The following DCC variants were observed in gnomAD, a reference collection of about 807,000 sequenced individuals.
The protein encoded by DCC is netrin receptor DCC.
Under a neutral mutation model 172.5 loss-of-function variants are expected in DCC, and 58 were observed. The ratio of observed to expected loss-of-function variants is 0.34; its 90% CI spans 0.27 to 0.42. The LOEUF is 0.42. Ranked by LOEUF, DCC falls within the 10% of genes least tolerant of loss-of-function variation. The probability of loss-of-function intolerance (pLI) is 1.00; values close to 1 mark genes in which losing one functional copy is unlikely to be tolerated. For synonymous variants in DCC, 709 were observed against 644.5 expected, an observed-to-expected ratio of 1.10 and a Z score of -1.52; for missense variants, 1,740 against 1,791.0, an observed-to-expected ratio of 0.97 and a Z score of 0.51.
At chr18:52,943,738 G>GGT (rs1555685253) in intron 5 of DCC, among the ~76,000 whole-genome samples, 5 of 81,446 alleles carry the variant, frequency 6.1e-5, no homozygotes, top group African/African-American at 1.2e-4. Flanking sequence ...GCAATTTATG[G>GGT]TTTTTTTTTT....
chr18:52,932,126 T>A (rs1231167277), intron 5 of DCC, among the ~76,000 whole-genome samples: 1 of 152,106 alleles, frequency 6.6e-6, no homozygotes, highest in Non-Finnish European at 1.5e-5. Flanking sequence ...TAATTTAATT[T>A]TAGCCATGAC....
Position 53,450,509 on chromosome 18 carries a change from T to A in DCC, c.3239T>A (p.Ile1080Asn). 1.2e-6 allele frequency: 2 copies of A among 1,613,996 alleles called. No homozygotes were observed. Among genetic ancestry groups the A allele is most frequent in the Non-Finnish European group, 1.7e-6 (2 of 1,179,954 alleles). Reference sequence around the variant, plus strand: ...TCCTGTCTTTTCCCAGAGCCGCCAATTGGACAAATGCACCCCCCGCATGGC... The same window carrying A: ...TCCTGTCTTTTCCCAGAGCCGCCAAATGGACAAATGCACCCCCCGCATGGC... ...IDRSTLNEPP[I>N]GQMHPPHGSV... is the part of the protein sequence containing the mutation. Residue 1080 changes from isoleucine (I) to asparagine (N), a missense_variant, in exon 23 of 29, where the codon ATT becomes AAT. Physicochemically the swap from Ile to Asn is moderately radical, Grantham distance 149. This residue lies in a region of DCC where 1,732 missense variants were observed against 1,767.4 expected (regional missense o/e 0.98). Transcript: ENST00000442544.
chr18:53,293,707 G>A (rs1598991694), intron 12 of DCC, among the ~76,000 whole-genome samples: 1 of 152,196 alleles, frequency 6.6e-6, no homozygotes, highest in South Asian at 2.1e-4. Context: ...TCCAGAATTA[G>A]CATGCCAGTT....
At chr18:52,568,267 T>C (rs141550144) in intron 1 of DCC, among the ~76,000 whole-genome samples, 57 of 152,222 alleles carry the variant, frequency 3.7e-4, no homozygotes, top group African/African-American at 1.3e-3. Flanking sequence ...GCTACACAAA[T>C]GTCTACAGCT....
chr18:53,361,711 T>G (rs1386957779), intron 15 of DCC, among the ~76,000 whole-genome samples: 3 of 152,210 alleles, frequency 2.0e-5, no homozygotes, highest in African/African-American at 7.2e-5. Flanking sequence ...TTTTGTAATG[T>G]GGCAAGGTTT....
intron 2 of DCC, among the ~76,000 whole-genome samples, chr18:52,832,404 G>A (rs1028529513): frequency 2.0e-5 from 3 of 151,476 alleles, no homozygotes; most frequent in East Asian, 2.0e-4. Flanking sequence ...TAAAGAATTA[G>A]GATTATAAAT....
At position 52,834,349 on chromosome 18, in the gene DCC, G is replaced by A. The variant is rs546245647; in HGVS notation, c.413-71695G>A. On this transcript the variant is annotated intron_variant, in intron 2 of 28. Transcript: ENST00000442544. Reference sequence around the variant, plus strand: ...CTCAAAATGTGGTGGCTCCAGACCAGAAACCTTAGCATTGTTTGGGAACTT... The same window carrying A: ...CTCAAAATGTGGTGGCTCCAGACCAAAAACCTTAGCATTGTTTGGGAACTT... Among the ~76,000 whole-genome samples the A allele has an allele frequency of 4.6e-5, 7 of 152,306 alleles. No individual in the cohort carries two copies. In the East Asian group the frequency reaches 7.7e-4, roughly 17 times the overall value.
At chr18:53,313,515 G>A (rs1035350630) in intron 13 of DCC, among the ~76,000 whole-genome samples, 2 of 152,160 alleles carry the variant, frequency 1.3e-5, no homozygotes, top group Admixed American at 1.3e-4. Context: ...CAAAGTGCTG[G>A]GATTACAGGC....
intron 1 of DCC, among the ~76,000 whole-genome samples, chr18:52,361,972 C>T (rs1020303): frequency 0.32 from 49,414 of 152,110 alleles, 8,597 homozygotes; most frequent in East Asian, 0.52. Context: ...CATCTATTCT[C>T]TTCATTTAGG....
At chr18:52,796,224 G>A (rs2037875692) in intron 2 of DCC, among the ~76,000 whole-genome samples, 1 of 151,174 alleles carries the variant, frequency 6.6e-6, no homozygotes, top group African/African-American at 2.4e-5. Flanking sequence ...CTCTTAATTG[G>A]GGAATTCTGC....
At chr18:53,382,771 G>C (rs1326325311) in intron 15 of DCC, among the ~76,000 whole-genome samples, 2 of 152,076 alleles carry the variant, frequency 1.3e-5, no homozygotes, top group African/African-American at 2.4e-5. Flanking sequence ...GCAATTCACT[G>C]AATAGAAGCC....
intron 12 of DCC, among the ~76,000 whole-genome samples, chr18:53,290,348 A>G (rs1282412847): frequency 6.6e-6 from 1 of 152,200 alleles, no homozygotes; most frequent in African/African-American, 2.4e-5. Context: ...ATCTTACCTG[A>G]CATTTGGAAC....
In DCC at chr18:53,066,163, C is replaced by T; in HGVS notation, c.1258C>T (p.Pro420Ser). Reference protein sequence around the residue: ...QTSAQLIVPKPAIPSSSVLPS... With the variant: ...QTSAQLIVPKSAIPSSSVLPS... ...CAGTGCACAGCTCATTGTCCCTAAG[C>T]CTGGTAAGACAATGGGAACCTTGCT... The change falls in exon 7 of 29, where the codon CCT becomes TCT. Residue 420 changes from proline (P) to serine (S), a missense_variant. Transcript: ENST00000442544. The T allele has an allele frequency of 6.2e-7, 1 of 1,612,666 alleles. No homozygotes were observed. The highest frequency in any genetic ancestry group is 8.5e-7 in the Non-Finnish European group (1 of 1,179,102).
intron 5 of DCC, among the ~76,000 whole-genome samples, chr18:52,961,829 A>G (rs976757680): frequency 2.0e-5 from 3 of 152,168 alleles, no homozygotes; most frequent in Admixed American, 6.5e-5. Context: ...CTGATCTTTG[A>G]CAAACCTGAG....
At chr18:52,491,826 G>A (rs190731549) in intron 1 of DCC, among the ~76,000 whole-genome samples, 1 of 152,186 alleles carries the variant, frequency 6.6e-6, no homozygotes, top group Non-Finnish European at 1.5e-5. Flanking sequence ...TTTAAGGATG[G>A]CCAGGGAAGA....
intron 5 of DCC, among the ~76,000 whole-genome samples, chr18:53,018,547 T>C (rs2041838983): frequency 6.6e-6 from 1 of 152,198 alleles, no homozygotes; most frequent in African/African-American, 2.4e-5. Context: ...AATATCTCTT[T>C]CTCAGGGATG....
At chr18:53,456,101 A>G (rs2045479582) in intron 23 of DCC, among the ~76,000 whole-genome samples, 1 of 152,218 alleles carries the variant, frequency 6.6e-6, no homozygotes, top group Non-Finnish European at 1.5e-5. Flanking sequence ...GGTGAGTGGT[A>G]CAGAGAGAGA....
At chr18:52,929,938 G>A (rs187371013) in intron 5 of DCC, among the ~76,000 whole-genome samples, 13 of 151,344 alleles carry the variant, frequency 8.6e-5, no homozygotes, top group African/African-American at 2.4e-4. Context: ...ATAAATCATG[G>A]CATCTTTCTT....
intron 12 of DCC, among the ~76,000 whole-genome samples, chr18:53,249,359 T>C (rs1476777147): frequency 6.6e-6 from 1 of 151,944 alleles, no homozygotes; most frequent in East Asian, 1.9e-4. Flanking sequence ...CTAAGAGAAG[T>C]CTCAGGCTAA....
Sources: allele counts gnomAD v4.1 joint callset (sites outside exome capture counted in the v4.1 genomes callset), GRCh38; gene constraint gnomAD v4.1.1; regional missense constraint gnomAD v4.1.1; transcripts MANE v1.5; gene names NCBI Gene and HGNC (gene_info 2026-07-23, HGNC 2026-07-21).